Variants in PTPRT observed in about 807,000 individuals in gnomAD.
PTPRT encodes receptor-type tyrosine-protein phosphatase T.
Under a neutral mutation model 176.8 loss-of-function variants are expected in PTPRT, and 56 were observed. The ratio of observed to expected loss-of-function variants is 0.32; its 90% CI spans 0.26 to 0.40. PTPRT has a LOEUF of 0.40. Ranked by LOEUF, PTPRT falls within the 10% of genes least tolerant of loss-of-function variation. PTPRT has a pLI of 1.00. For missense variants in PTPRT, 1,540 were observed against 1,908.2 expected (o/e 0.81, Z 3.60); for synonymous variants, 783 against 739.0 (o/e 1.06, Z -0.96).
At position 42,483,479 on chromosome 20, in the gene PTPRT, A is replaced by G. The variant is rs904439668; in HGVS notation, c.1154-10917T>C. On this transcript the variant is annotated intron_variant, in intron 7 of 30. Transcript: ENST00000373187. ...CGTGTCCAGCCTCCACTCGTTCTTT[A>G]GGCCTTCCTTTAAACATTAGTTCTT... Among the ~76,000 whole-genome samples, 4 of 152,258 alleles carry G rather than the reference A, an allele frequency of 2.6e-5. No individual in the cohort carries two copies. The East Asian group carries it at 7.7e-4, about 29-fold the overall frequency.
chr20:43,180,082 G>A lies in PTPRT; in HGVS notation c.88+9564C>T, dbSNP rs527883169. ...GTGGGCATCCTCCAATCCACTGGGG[G>A]CCCGAACAGAACAAAAAGGTAGAGA... On this transcript the variant is annotated intron_variant, in intron 1 of 30. Transcript: ENST00000373187. Among the ~76,000 whole-genome samples, 14 of 152,314 alleles carry A rather than the reference G, an allele frequency of 9.2e-5. 1 individual carries two copies. Among genetic ancestry groups the A allele is most frequent in the African/African-American group, 3.1e-4 (13 of 41,572 alleles).
At chr20:42,652,658 G>A (rs1057467622) in intron 7 of PTPRT, among the ~76,000 whole-genome samples, 3 of 152,240 alleles carry the variant, frequency 2.0e-5, no homozygotes, top group Admixed American at 2.0e-4. Context: ...TGAAGACATT[G>A]ATGCCTATGG....
chr20:42,690,795 T>C (rs2075781192), intron 6 of PTPRT, among the ~76,000 whole-genome samples: 1 of 152,182 alleles, frequency 6.6e-6, no homozygotes, highest in South Asian at 2.1e-4. Context: ...TGGTGTGACA[T>C]TAAGCAAGTG....
At chr20:42,764,357 G>A (rs941369619) in intron 5 of PTPRT, among the ~76,000 whole-genome samples, 3 of 152,014 alleles carry the variant, frequency 2.0e-5, no homozygotes, top group Non-Finnish European at 4.4e-5. Flanking sequence ...GGGGTGGGGA[G>A]GCAATTCAAA....
intron 7 of PTPRT, among the ~76,000 whole-genome samples, chr20:42,613,443 T>A (rs58587313): frequency 0.024 from 3,634 of 152,344 alleles, 148 homozygotes; most frequent in African/African-American, 0.082. Flanking sequence ...GTTATGCAGC[T>A]CTTTGAAGAC....
At chr20:42,217,988 A>G (rs947772736) in intron 15 of PTPRT, among the ~76,000 whole-genome samples, 1 of 152,238 alleles carries the variant, frequency 6.6e-6, no homozygotes, top group African/African-American at 2.4e-5. Flanking sequence ...TAAACTCGTA[A>G]AACAGGTAAA....
chr20:42,868,012 A>G (rs1293761796), intron 2 of PTPRT, among the ~76,000 whole-genome samples: 1 of 152,164 alleles, frequency 6.6e-6, no homozygotes, highest in Non-Finnish European at 1.5e-5. Context: ...GCATTTTGTT[A>G]CAGCAATATG....
intron 15 of PTPRT, among the ~76,000 whole-genome samples, chr20:42,209,324 C>CA (rs1358475696): frequency 6.6e-6 from 1 of 151,804 alleles, no homozygotes; most frequent in African/African-American, 2.4e-5. Flanking sequence ...AATAGAGACA[C>CA]AAAAAACCCT....
chr20:42,114,413 A>G (rs1465538851), intron 22 of PTPRT, among the ~76,000 whole-genome samples: 1 of 152,242 alleles, frequency 6.6e-6, no homozygotes, highest in Non-Finnish European at 1.5e-5. Flanking sequence ...TATCATTATG[A>G]TATAATAGTA....
intron 7 of PTPRT, among the ~76,000 whole-genome samples, chr20:42,494,858 A>G (rs530686278): frequency 1.3e-5 from 2 of 152,156 alleles, no homozygotes; most frequent in Admixed American, 6.5e-5. Context: ...ATCTTCTGTG[A>G]TTTCCAAATT....
intron 1 of PTPRT, among the ~76,000 whole-genome samples, chr20:43,180,573 C>T (rs1397024087): frequency 2.6e-5 from 4 of 151,966 alleles, no homozygotes; most frequent in Non-Finnish European, 5.9e-5. Context: ...AAACGATTCT[C>T]CTGCCTCAGT....
intron 1 of PTPRT, among the ~76,000 whole-genome samples, chr20:43,130,457 A>G (rs1315697689): frequency 1.3e-5 from 2 of 152,160 alleles, no homozygotes; most frequent in Non-Finnish European, 2.9e-5. Flanking sequence ...TGACCTACAC[A>G]ACAGCCACAG....
chr20:42,905,915 C>T lies in PTPRT; in HGVS notation c.89-19983G>A, dbSNP rs1456328472. Among the ~76,000 whole-genome samples, 10 of 10,988 alleles carry T rather than the reference C, an allele frequency of 9.1e-4. No individual in the cohort carries two copies. In the East Asian group the frequency reaches 0.013, roughly 15 times the overall value. The allele number at this position is 10,988 out of a possible 152,430, so 7.2% of individuals were successfully genotyped here. A position where few individuals can be genotyped will look rare whatever the true frequency, so the allele number is the denominator to read the frequency against. On this transcript the variant is annotated intron_variant, in intron 1 of 30. Coordinates refer to ENST00000373187, the MANE Select transcript of PTPRT (RefSeq NM_007050.6). The stretch of plus-strand genomic sequence containing the variant: ...GGGAACATCACACACTGGGGCCTGT[C>T]GGGGGGTAGGGGGCTGGGGGAGGGA...
chr20:42,332,567 T>C (rs946358439), intron 11 of PTPRT, among the ~76,000 whole-genome samples: 2 of 152,180 alleles, frequency 1.3e-5, no homozygotes, highest in African/African-American at 4.8e-5. Flanking sequence ...ACATTTTTCA[T>C]GAGGTACCTT....
chr20:42,631,222 G>A (rs1297549444), intron 7 of PTPRT, among the ~76,000 whole-genome samples: 1 of 152,050 alleles, frequency 6.6e-6, no homozygotes, highest in Admixed American at 6.6e-5. Context: ...GGGGTGAGAT[G>A]GATGAACTTC....
In PTPRT at chr20:43,057,736, C is replaced by G. The variant is rs1197557832; in HGVS notation, c.88+131910G>C. Among the ~76,000 whole-genome samples, 12 of 152,290 alleles carry G rather than the reference C, an allele frequency of 7.9e-5. No homozygotes were observed. The East Asian group carries it at 2.3e-3, about 29-fold the overall frequency. On this transcript the variant is annotated intron_variant, in intron 1 of 30. Transcript: ENST00000373187. Reference sequence around the variant, plus strand: ...AGTGATGGCAAAGGCCCTGGACCACCAGGTTCTGAGTTGGGAAATATGCCT... The same window carrying G: ...AGTGATGGCAAAGGCCCTGGACCACGAGGTTCTGAGTTGGGAAATATGCCT...
chr20:42,158,491 G>A (rs956861726), intron 17 of PTPRT, among the ~76,000 whole-genome samples: 1 of 152,144 alleles, frequency 6.6e-6, no homozygotes, highest in African/African-American at 2.4e-5. Flanking sequence ...GCAGAGAAGT[G>A]ACAGGCAACA....
At chr20:42,223,179 G>C (rs1019290208) in intron 15 of PTPRT, among the ~76,000 whole-genome samples, 1 of 152,204 alleles carries the variant, frequency 6.6e-6, no homozygotes, top group African/African-American at 2.4e-5. Flanking sequence ...GCAGTAGACA[G>C]AGTAATATAA....
chr20:42,920,462 G>C (rs1979073401), intron 1 of PTPRT, among the ~76,000 whole-genome samples: 1 of 152,008 alleles, frequency 6.6e-6, no homozygotes, highest in African/African-American at 2.4e-5. Flanking sequence ...AGGAAGGGGA[G>C]GGACTCTATA....
Sources: gnomAD v4.1 joint callset for allele counts (sites outside exome capture counted in the v4.1 genomes callset) on GRCh38, gnomAD v4.1.1 for gene constraint, MANE v1.5 for transcripts, NCBI Gene and HGNC (gene_info 2026-07-23, HGNC 2026-07-21) for gene names.